The following RBFOX1 variants were observed in gnomAD, a reference collection of about 807,000 sequenced individuals.
RBFOX1 encodes the protein RNA binding protein fox-1 homolog 1.
Under a neutral mutation model 57.7 loss-of-function variants are expected in RBFOX1, and 8 were observed. The ratio of observed to expected loss-of-function variants is 0.14; its 90% CI spans 0.08 to 0.25. The LOEUF is 0.25. RBFOX1 is among the 10% of genes least tolerant of loss of function. The pLI is 1.00. For missense variants in RBFOX1, 611 were observed against 548.5 expected, an observed-to-expected ratio of 1.11 and a Z score of -1.14; for synonymous variants, 326 against 222.4, an observed-to-expected ratio of 1.47 and a Z score of -4.15.
chr16:7,235,585 G>A (rs911530013), intron 4 of RBFOX1, among the ~76,000 whole-genome samples: 2 of 152,154 alleles, frequency 1.3e-5, no homozygotes, highest in Non-Finnish European at 1.5e-5. Flanking sequence ...CAGTGGCTGC[G>A]TTTGCCCTTT....
intron 5 of RBFOX1, among the ~76,000 whole-genome samples, chr16:7,552,551 A>G (rs1274202128): frequency 2.0e-5 from 3 of 152,176 alleles, no homozygotes; most frequent in Admixed American, 6.5e-5. Flanking sequence ...TCTGAACTGA[A>G]CCTCAACTCA....
chr16:6,998,114 A>G (rs951155696), intron 3 of RBFOX1, among the ~76,000 whole-genome samples: 3 of 152,126 alleles, frequency 2.0e-5, no homozygotes, highest in African/African-American at 4.8e-5. Flanking sequence ...GTACAATAGC[A>G]TATGTAGTAT....
intron 1 of RBFOX1, among the ~76,000 whole-genome samples, chr16:5,334,968 G>C (rs1596555164): frequency 6.6e-6 from 1 of 152,064 alleles, no homozygotes; most frequent in East Asian, 1.9e-4. Flanking sequence ...TTGTAGTATA[G>C]ACTTCAAGTA....
intron 1 of RBFOX1, among the ~76,000 whole-genome samples, chr16:6,231,259 T>C (rs1311661308): frequency 1.3e-5 from 2 of 151,482 alleles, no homozygotes; most frequent in Non-Finnish European, 2.9e-5. Context: ...TGTGTGTGTG[T>C]TCCTTATAAG....
At chr16:7,112,694 C>A (rs539282926) in intron 4 of RBFOX1, among the ~76,000 whole-genome samples, 1 of 143,646 alleles carries the variant, frequency 7.0e-6, no homozygotes, top group African/African-American at 2.6e-5. Context: ...GGGTGTGTCT[C>A]TCTGTCTGTC....
chr16:7,207,607 A>G (rs553621049), intron 4 of RBFOX1, among the ~76,000 whole-genome samples: 19 of 152,354 alleles, frequency 1.2e-4, no homozygotes, highest in Admixed American at 2.6e-4. Context: ...TATGACAGCA[A>G]AACAGTGCTC....
chr16:6,894,162 C>G (rs1000609800), intron 3 of RBFOX1, among the ~76,000 whole-genome samples: 1 of 152,202 alleles, frequency 6.6e-6, no homozygotes, highest in Non-Finnish European at 1.5e-5. Context: ...TGCTACCTAT[C>G]TCTTGTCTGT....
At chr16:6,943,554 A>T (rs939362406) in intron 3 of RBFOX1, among the ~76,000 whole-genome samples, 3 of 151,994 alleles carry the variant, frequency 2.0e-5, no homozygotes, top group African/African-American at 7.3e-5. Context: ...TAAAAATACA[A>T]AAAATTAGCC....
At chr16:6,949,597 G>T (rs766880375) in intron 3 of RBFOX1, among the ~76,000 whole-genome samples, 19 of 151,896 alleles carry the variant, frequency 1.3e-4, no homozygotes, top group East Asian at 7.8e-4. Flanking sequence ...TTGTGCCTAC[G>T]TGCATCTTGG....
intron 3 of RBFOX1, among the ~76,000 whole-genome samples, chr16:6,772,627 G>C (rs982285601): frequency 6.7e-6 from 1 of 148,804 alleles, no homozygotes; most frequent in Admixed American, 6.7e-5. Flanking sequence ...GTGTATGTGT[G>C]AGTGTGGGGT....
At chr16:5,953,200 T>C (rs2059555571) in intron 4 of RBFOX1, among the ~76,000 whole-genome samples, 1 of 152,198 alleles carries the variant, frequency 6.6e-6, no homozygotes. Context: ...GGGGCCATGT[T>C]TCTCAGCTAG....
chr16:7,710,526 G>T, intron 15 of RBFOX1, 97 bp from the exon 16 acceptor site: 1 of 1,581,170 alleles, frequency 6.3e-7, no homozygotes. Context: ...ATTTCGGTTG[G>T]TTTTGAGTGT....
At chr16:5,925,388 T>C (rs1048947836) in intron 4 of RBFOX1, among the ~76,000 whole-genome samples, 1 of 151,696 alleles carries the variant, frequency 6.6e-6, no homozygotes, top group Non-Finnish European at 1.5e-5. Flanking sequence ...CCATACTTAG[T>C]AGAAAAAACT....
intron 2 of RBFOX1, among the ~76,000 whole-genome samples, chr16:5,501,290 C>T (rs540502111): frequency 7.6e-6 from 1 of 130,824 alleles, no homozygotes; most frequent in Admixed American, 8.3e-5. Context: ...TACATTCCAG[C>T]CTGGATGACA....
At chr16:7,384,209 C>G (rs1034533879) in intron 4 of RBFOX1, among the ~76,000 whole-genome samples, 1 of 151,260 alleles carries the variant, frequency 6.6e-6, no homozygotes, top group East Asian at 1.9e-4. Flanking sequence ...ATATATGAAA[C>G]ATATATGAAA....
At chr16:7,185,008 T>G (rs572446689) in intron 4 of RBFOX1, among the ~76,000 whole-genome samples, 2 of 152,286 alleles carry the variant, frequency 1.3e-5, no homozygotes, top group Non-Finnish European at 2.9e-5. Flanking sequence ...AGCCCCACTT[T>G]GCCAATAAGG....
At chr16:6,774,453 TATC>T (rs2078988472) in intron 3 of RBFOX1, among the ~76,000 whole-genome samples, 1 of 152,124 alleles carries the variant, frequency 6.6e-6, no homozygotes, top group Non-Finnish European at 1.5e-5. Flanking sequence ...GCAAATTAAA[TATC>T]AACAACCCAA....
At chr16:7,067,047 A>C (rs1234018385) in intron 4 of RBFOX1, among the ~76,000 whole-genome samples, 1 of 152,220 alleles carries the variant, frequency 6.6e-6, no homozygotes, top group African/African-American at 2.4e-5. Flanking sequence ...TAAGTAAATA[A>C]TAATAAGTTA....
intron 3 of RBFOX1, among the ~76,000 whole-genome samples, chr16:6,938,318 A>C (rs1410348184): frequency 2.6e-5 from 4 of 152,184 alleles, no homozygotes; most frequent in African/African-American, 9.7e-5. Flanking sequence ...GGAAAGTAAA[A>C]ATAGTAATTG....
Sources: allele counts gnomAD v4.1 joint callset (sites outside exome capture counted in the v4.1 genomes callset), GRCh38; gene constraint gnomAD v4.1.1; transcripts MANE v1.5; gene names NCBI Gene and HGNC (gene_info 2026-07-23, HGNC 2026-07-21).